The following UBR1 variants were observed in gnomAD, a reference collection of about 807,000 sequenced individuals.
UBR1 encodes E3 ubiquitin-protein ligase UBR1.
Under a neutral mutation model 242.1 loss-of-function variants are expected in UBR1, and 102 were observed. That is an observed-to-expected ratio of 0.42 (90% CI 0.36 to 0.50). The LOEUF (loss-of-function observed/expected upper bound fraction) is 0.50. UBR1 is among the 20% of genes least tolerant of loss of function. UBR1 has a pLI of 0.01. For synonymous variants in UBR1, 675 were observed against 684.8 expected, an observed-to-expected ratio of 0.99 and a Z score of 0.22; for missense variants, 1,772 against 2,101.8, an observed-to-expected ratio of 0.84 and a Z score of 3.07.
At chr15:42,978,778 G>A (rs2032328803) in intron 37 of UBR1, among the ~76,000 whole-genome samples, 1 of 150,804 alleles carries the variant, frequency 6.6e-6, no homozygotes, top group African/African-American at 2.4e-5. Flanking sequence ...ATCCAGGCAG[G>A]AGTGCAGTGG....
At chr15:43,086,307 A>G in intron 1 of UBR1, 67 bp from the exon 2 acceptor site, 1 of 1,548,978 alleles carries the variant, frequency 6.5e-7, no homozygotes, top group Non-Finnish European at 8.8e-7. Flanking sequence ...AGGGGCACAA[A>G]TAATGACATA....
intron 37 of UBR1, among the ~76,000 whole-genome samples, chr15:42,980,599 T>TCCAA (rs891541565): frequency 7.2e-5 from 11 of 152,182 alleles, no homozygotes; most frequent in African/African-American, 2.4e-4. Context: ...TATCCATCCA[T>TCCAA]CCATCCATCC....
At position 43,003,860 on chromosome 15, in the gene UBR1, T is replaced by G. The variant is rs1477312867; in HGVS notation, c.3486A>C (p.Val1162=). 1.9e-6 allele frequency: 3 copies of G among 1,614,018 alleles called. No individual in the cohort carries two copies. Among genetic ancestry groups the G allele is most frequent in the East Asian group, 4.5e-5 (2 of 44,888 alleles). The change falls in exon 31 of 47, where the codon GTA becomes GTC. Residue 1162 remains valine (V), a synonymous_variant. Transcript: ENST00000290650. ...ACTTCTGCCAGCACACTGCGTGCAT[T>G]ACATGACCACAGCTTCCTGTATAAG... ...YGTYTGSCGH[V]MHAVCWQKYF...
chr15:43,013,383 G>C (rs1596100972), intron 29 of UBR1, among the ~76,000 whole-genome samples: 1 of 152,070 alleles, frequency 6.6e-6, no homozygotes, highest in Non-Finnish European at 1.5e-5. Context: ...ATTTCTCTAA[G>C]AGCATACCAC....
At position 42,960,629 on chromosome 15, in the gene UBR1, A is replaced by T. The variant is rs1281397316; in HGVS notation, c.4757+16T>A. The T allele has an allele frequency of 6.2e-7, 1 of 1,613,400 alleles. No individual in the cohort carries two copies. The highest frequency in any genetic ancestry group is 8.5e-7 in the Non-Finnish European group (1 of 1,179,504). ...ACTTGTGGATGAGGGAGAAAGGATT[A>T]AGTAGTAAAACCAACCTGACCACGG... is the stretch of plus-strand genomic sequence containing the variant. On this transcript the variant is annotated intron_variant, in intron 43 of 46. Transcript: ENST00000290650.
Position 42,984,896 on chromosome 15 carries a change from T to C in UBR1, c.4044A>G (p.Gln1348=), listed in dbSNP as rs141869423. ...DEGKPLFGAL[Q]NRQHNGLKAL... ...GTTGGAATATACATACCTGCCTATT[T>C]TGAAGTGCTCCAAACAGAGGTTTTC... Residue 1348 remains glutamine (Q), a synonymous_variant, in exon 36 of 47, where the codon CAA becomes CAG. Transcript: ENST00000290650. The C allele has an allele frequency of 1.3e-4, 205 of 1,612,370 alleles. 1 individual carries two copies. The African/African-American group carries it at 1.3e-3, about 10-fold the overall frequency.
intron 29 of UBR1, among the ~76,000 whole-genome samples, chr15:43,011,210 G>A (rs532956140): frequency 2.2e-4 from 33 of 151,668 alleles, no homozygotes; most frequent in Admixed American, 1.5e-3. Context: ...AAAAAAATAT[G>A]AGAGAATATA....
At chr15:43,001,977 T>C (rs988005200) in intron 32 of UBR1, among the ~76,000 whole-genome samples, 2 of 152,200 alleles carry the variant, frequency 1.3e-5, no homozygotes, top group African/African-American at 4.8e-5. Context: ...TTTTCTCCTT[T>C]TGTGAGTGCT....
chr15:42,969,589 C>T (rs2032169016), intron 40 of UBR1, among the ~76,000 whole-genome samples: 1 of 152,058 alleles, frequency 6.6e-6, no homozygotes, highest in South Asian at 2.1e-4. Flanking sequence ...GAAGTCTTTG[C>T]CCATGCCTAT....
At position 42,952,352 on chromosome 15, in the gene UBR1, A is replaced by C; in HGVS notation, c.4932T>G (p.Ile1644Met). The C allele has an allele frequency of 6.2e-7, 1 of 1,614,106 alleles. No homozygotes were observed. Among genetic ancestry groups the C allele is most frequent in the East Asian group, 2.2e-5 (1 of 44,896 alleles). ...AAGCTCCAACCTCTTCCCCGTTCAC[A>C]ATTTCCTGGCAGCAAATGTTCTGAG... ...LCSQNICCQEIVNGEEVGACI... is the reference protein window; with the variant it reads ...LCSQNICCQEMVNGEEVGACI... Residue 1644 changes from isoleucine (I) to methionine (M), a missense_variant, in exon 45 of 47, where the codon ATT (isoleucine) becomes ATG (methionine). This residue lies in a region of UBR1 where 965 missense variants were observed against 1,079.7 expected (regional missense o/e 0.89). Transcript: ENST00000290650.
In UBR1 at chr15:43,011,558, T is replaced by C. The variant is rs1019356254; in HGVS notation, c.3209+4130A>G. On this transcript the variant is annotated intron_variant, in intron 29 of 46. Coordinates refer to ENST00000290650, the MANE Select transcript of UBR1 (RefSeq NM_174916.3). ...TGCTCAACCTAGTACTAAATAGCAA[T>C]TGGGGAAATTCAGCCAGATTGGCAC... 1.7e-4 allele frequency among the ~76,000 whole-genome samples: 26 copies of C among 152,180 alleles called. 1 individual carries two copies. The highest frequency in any genetic ancestry group is 4.8e-4 in the African/African-American group (20 of 41,442).
chr15:43,031,781 G>C (rs1178608798), intron 20 of UBR1, among the ~76,000 whole-genome samples: 1 of 152,194 alleles, frequency 6.6e-6, no homozygotes, highest in Non-Finnish European at 1.5e-5. Context: ...CCAGCACTTT[G>C]GGAGGCCAAG....
chr15:43,101,930 G>A (rs1160424684), intron 1 of UBR1, among the ~76,000 whole-genome samples: 14 of 123,842 alleles, frequency 1.1e-4, no homozygotes, highest in African/African-American at 3.0e-4. Flanking sequence ...ATCTCGCCAC[G>A]CACTCCAGCC....
chr15:42,973,476 G>C (rs534308392), intron 39 of UBR1, among the ~76,000 whole-genome samples: 1 of 152,012 alleles, frequency 6.6e-6, no homozygotes, highest in South Asian at 2.1e-4. Context: ...TGTACATTTA[G>C]TACAGACAGG....
Position 42,950,326 on chromosome 15 carries a change from C to T in UBR1, c.5044G>A (p.Ala1682Thr). 1 of 1,614,144 alleles carries T rather than the reference C, an allele frequency of 6.2e-7. No individual in the cohort carries two copies. ...GGAGCTGGATAGGCACAGCCTCTGGCTTTACCTTCAACCAGGACCACTCGG... is the reference window on the plus strand; with the variant it reads ...GGAGCTGGATAGGCACAGCCTCTGGTTTTACCTTCAACCAGGACCACTCGG... ...ECRVVLVEGK[A>T]RGCAYPAPYL... Residue 1682 changes from alanine to threonine, a missense_variant, in exon 46 of 47, where the codon GCC becomes ACC. By Grantham distance (58) the Ala-to-Thr change is moderately conservative. Coordinates refer to ENST00000290650, the MANE Select transcript of UBR1 (RefSeq NM_174916.3).
intron 5 of UBR1, 148 bp from the exon 6 acceptor site, chr15:43,068,184 ATTTTTTTTTTT>A (rs545130203): frequency 4.2e-6 from 1 of 239,050 alleles, no homozygotes; most frequent in Non-Finnish European, 7.6e-6. Flanking sequence ...ATAGAATTTG[ATTTTTTTTTTT>A]TTTTTTTTTT....
chr15:42,948,515 T>G (rs1477405422), intron 46 of UBR1, among the ~76,000 whole-genome samples: 2 of 151,368 alleles, frequency 1.3e-5, no homozygotes, highest in African/African-American at 4.9e-5. Flanking sequence ...TGGGAGAAAA[T>G]TTTCGCAACC....
intron 33 of UBR1, among the ~76,000 whole-genome samples, chr15:42,996,303 T>C (rs1456330374): frequency 6.6e-6 from 1 of 152,170 alleles, no homozygotes; most frequent in African/African-American, 2.4e-5. Context: ...TAAAACTTTG[T>C]ATGATAACTT....
chr15:43,055,944 G>A (rs1317424286), intron 11 of UBR1, among the ~76,000 whole-genome samples: 1 of 151,938 alleles, frequency 6.6e-6, no homozygotes, highest in Non-Finnish European at 1.5e-5. Context: ...AAAAGAAGTG[G>A]TATACAAAGG....
Sources: gnomAD v4.1 joint callset for allele counts (sites outside exome capture counted in the v4.1 genomes callset) on GRCh38, gnomAD v4.1.1 for gene constraint, gnomAD v4.1.1 regional missense constraint, MANE v1.5 for transcripts, NCBI Gene and HGNC (gene_info 2026-07-23, HGNC 2026-07-21) for gene names.